Variants in GPCPD1 observed in about 807,000 individuals in gnomAD.
GPCPD1 encodes the protein glycerophosphocholine phosphodiesterase 1, also known as glycerophosphocholine phosphodiesterase GPCPD1.
Under a neutral mutation model 89.2 loss-of-function variants are expected in GPCPD1, and 29 were observed. The ratio of observed to expected loss-of-function variants is 0.33; its 90% CI spans 0.24 to 0.44. GPCPD1 has a LOEUF of 0.44. Ranked by LOEUF, GPCPD1 falls within the 20% of genes least tolerant of loss-of-function variation. The probability of loss-of-function intolerance (pLI) is 1.00; values close to 1 mark genes in which losing one functional copy is unlikely to be tolerated. For synonymous variants in GPCPD1, 258 were observed against 266.3 expected (o/e 0.97, Z 0.30); for missense variants, 594 against 808.9 (o/e 0.73, Z 3.22).
In GPCPD1 at chr20:5,575,555, G is replaced by A; in HGVS notation, c.869-10C>T. 3 of 1,525,472 alleles carry A rather than the reference G, an allele frequency of 2.0e-6. No homozygotes were observed. Among genetic ancestry groups the A allele is most frequent in the Non-Finnish European group, 2.7e-6 (3 of 1,114,358 alleles). 94.5% of individuals were successfully genotyped at this position (1,525,472 alleles called of 1,614,324 possible). ...ATAATTATATAGTCAACTTTCATAG[G>A]AAAAAAGAGGGAGGAACAAAAATAA... On this transcript the variant is annotated splice_polypyrimidine_tract_variant and intron_variant, in intron 9 of 19. Coordinates refer to ENST00000379019, the MANE Select transcript of GPCPD1 (RefSeq NM_019593.5).
intron 19 of GPCPD1, among the ~76,000 whole-genome samples, chr20:5,557,731 T>C (rs1199337208): frequency 6.6e-6 from 1 of 152,182 alleles, no homozygotes; most frequent in Non-Finnish European, 1.5e-5. Flanking sequence ...AGTATATATA[T>C]CTGAGTTAAG....
At chr20:5,579,044 G>T (rs1023779428) in intron 7 of GPCPD1, among the ~76,000 whole-genome samples, 2 of 142,318 alleles carry the variant, frequency 1.4e-5, no homozygotes, top group Non-Finnish European at 3.1e-5. Flanking sequence ...AAATTATTCA[G>T]GCATGTGTCA....
intron 11 of GPCPD1, among the ~76,000 whole-genome samples, 187 bp from the exon 12 acceptor site, chr20:5,570,426 C>CAAAAA (rs36030193): frequency 7.0e-5 from 6 of 86,028 alleles, no homozygotes; most frequent in Non-Finnish European, 6.7e-5. Context: ...TTTTTCCTGG[C>CAAAAA]AAAAAAAAAA....
rs540221614 is a variant in GPCPD1, at chr20:5,563,671, G to A, written c.1329+1346C>T. Among the ~76,000 whole-genome samples the A allele has an allele frequency of 9.9e-5, 15 of 152,144 alleles. No homozygotes were observed. In the East Asian group the frequency reaches 1.7e-3, roughly 18 times the overall value. On this transcript the variant is annotated intron_variant, in intron 15 of 19. Coordinates refer to ENST00000379019, the MANE Select transcript of GPCPD1 (RefSeq NM_019593.5). ...TTACAGGAATGAGCCACCATGTCCCGCCAAAAATGATGTTTTAAATGCACT... is the reference window on the plus strand; with the variant it reads ...TTACAGGAATGAGCCACCATGTCCCACCAAAAATGATGTTTTAAATGCACT...
intron 18 of GPCPD1, among the ~76,000 whole-genome samples, 185 bp downstream of exon 18, chr20:5,558,497 ATT>A (rs2122568199): frequency 6.6e-6 from 1 of 152,318 alleles, no homozygotes; most frequent in South Asian, 2.1e-4. Context: ...CCTATAACAA[ATT>A]TTGTACTTAA....
At chr20:5,559,826 A>T (rs1985989030) in intron 17 of GPCPD1, 114 bp downstream of exon 17, 4 of 566,704 alleles carry the variant, frequency 7.1e-6, no homozygotes, top group Admixed American at 3.4e-5. Context: ...ACCTGACATG[A>T]TTTCAGAGGA....
In GPCPD1 at chr20:5,544,853, G is replaced by C. The variant is rs1159077212; in HGVS notation, c.*2808C>G. 1.3e-5 allele frequency: 2 copies of C among 152,340 alleles called. No individual in the cohort carries two copies. The highest frequency in any genetic ancestry group is 2.4e-5 in the African/African-American group (1 of 41,452). The allele number at this position is 152,340 out of a possible 1,614,324, so 9.4% of individuals were successfully genotyped here. A position where few individuals can be genotyped will look rare whatever the true frequency, so the allele number is the denominator to read the frequency against. ...AAGGCAAAGGAGGTGTTTCAGACAA[G>C]CAAAGCAGTACTGAGGTAGCTGTAA... On this transcript the variant is annotated 3_prime_UTR_variant, in exon 20 of 20. Coordinates refer to ENST00000379019, the MANE Select transcript of GPCPD1 (RefSeq NM_019593.5).
intron 2 of GPCPD1, among the ~76,000 whole-genome samples, chr20:5,602,538 A>T (rs1386641394): frequency 6.6e-6 from 1 of 152,078 alleles, no homozygotes; most frequent in Non-Finnish European, 1.5e-5. Context: ...ACTCACACAT[A>T]CTCTGCCAAT....
At chr20:5,605,212 G>A (rs1288357280) in intron 1 of GPCPD1, among the ~76,000 whole-genome samples, 1 of 152,060 alleles carries the variant, frequency 6.6e-6, no homozygotes, top group East Asian at 1.9e-4. Context: ...ATCCAAACTT[G>A]TTATTTTTTA....
intron 17 of GPCPD1, among the ~76,000 whole-genome samples, chr20:5,559,163 T>C (rs552440556): frequency 6.6e-6 from 1 of 151,954 alleles, no homozygotes; most frequent in East Asian, 1.9e-4. Context: ...ATCACACCAC[T>C]GCACTCCAGC....
intron 1 of GPCPD1, among the ~76,000 whole-genome samples, chr20:5,610,592 G>A (rs1365277773): frequency 6.6e-6 from 1 of 152,060 alleles, no homozygotes; most frequent in Non-Finnish European, 1.5e-5. Flanking sequence ...AGGGAACTAA[G>A]CCCCAGGCAG....
chr20:5,591,265 AT>A, intron 4 of GPCPD1, among the ~76,000 whole-genome samples: 1 of 152,348 alleles, frequency 6.6e-6, no homozygotes, highest in African/African-American at 2.4e-5. Flanking sequence ...GAGAAAAACG[AT>A]TTCAGGACTC....
chr20:5,605,808 A>G (rs1980545442), intron 1 of GPCPD1, among the ~76,000 whole-genome samples: 1 of 152,052 alleles, frequency 6.6e-6, no homozygotes, highest in Non-Finnish European at 1.5e-5. Flanking sequence ...TATTAACCCT[A>G]GGACCATCAT....
At chr20:5,552,578 T>G (rs1400867143) in intron 19 of GPCPD1, among the ~76,000 whole-genome samples, 4 of 152,262 alleles carry the variant, frequency 2.6e-5, no homozygotes, top group African/African-American at 9.6e-5. Flanking sequence ...TAATCATTCC[T>G]TGTAACAAAA....
intron 2 of GPCPD1, among the ~76,000 whole-genome samples, chr20:5,603,704 T>TAGGA (rs1231442727): frequency 6.6e-6 from 1 of 151,352 alleles, no homozygotes; most frequent in Non-Finnish European, 1.5e-5. Flanking sequence ...TATTCACACA[T>TAGGA]AGGAACAAGG....
intron 12 of GPCPD1, among the ~76,000 whole-genome samples, chr20:5,568,742 T>TA (rs1343699606): frequency 1.3e-5 from 2 of 151,928 alleles, no homozygotes; most frequent in African/African-American, 4.8e-5. Context: ...CCGTCTCTAC[T>TA]AAAAAATACA....
intron 3 of GPCPD1, 102 bp downstream of exon 3, chr20:5,598,623 A>C (rs2122781330): frequency 1.4e-6 from 1 of 694,950 alleles, no homozygotes; most frequent in Non-Finnish European, 2.5e-6. Context: ...AATGTTGATA[A>C]AAATTATAAC....
intron 3 of GPCPD1, among the ~76,000 whole-genome samples, chr20:5,597,824 A>AC (rs1222892168): frequency 6.6e-6 from 1 of 152,126 alleles, no homozygotes; most frequent in Non-Finnish European, 1.5e-5. Context: ...TTCTCCATCC[A>AC]CTGTGCCCAT....
intron 4 of GPCPD1, 36 bp from the exon 5 acceptor site, chr20:5,586,305 TTA>T (rs1978917285): frequency 8.5e-7 from 1 of 1,169,786 alleles, no homozygotes; most frequent in South Asian, 1.2e-5. Flanking sequence ...CAATAATTTC[TTA>T]TATCTTATTT....
Sources: gnomAD v4.1 joint callset for allele counts (sites outside exome capture counted in the v4.1 genomes callset) on GRCh38, gnomAD v4.1.1 for gene constraint, MANE v1.5 for transcripts, NCBI Gene and HGNC (gene_info 2026-07-23, HGNC 2026-07-21) for gene names.